Variants in RSRC1 observed in about 807,000 individuals in gnomAD.
RSRC1 encodes the protein arginine and serine rich coiled-coil 1.
Under a neutral mutation model 49.1 loss-of-function variants are expected in RSRC1, and 39 were observed. That is an observed-to-expected ratio of 0.79 (90% CI 0.61 to 1.04). The LOEUF is 1.04. Ranked by LOEUF, RSRC1 falls within the 50% of genes least tolerant of loss-of-function variation. The probability of loss-of-function intolerance (pLI) is 0.00; values close to 1 mark genes in which losing one functional copy is unlikely to be tolerated. For missense variants in RSRC1, 388 were observed against 402.4 expected (o/e 0.96, Z 0.31); for synonymous variants, 143 against 130.8 (o/e 1.09, Z -0.63).
intron 6 of RSRC1, among the ~76,000 whole-genome samples, chr3:158,359,177 T>C (rs981952665): frequency 3.3e-5 from 5 of 152,206 alleles, no homozygotes; most frequent in Admixed American, 1.3e-4. Context: ...TTCGCACCAA[T>C]AGCAGTGTAT....
At chr3:158,377,418 A>G (rs1732432560) in intron 6 of RSRC1, among the ~76,000 whole-genome samples, 1 of 152,136 alleles carries the variant, frequency 6.6e-6, no homozygotes, top group Non-Finnish European at 1.5e-5. Flanking sequence ...GAATGGCTAG[A>G]TGACCTCCTT....
chr3:158,337,595 T>A (rs575411729), intron 5 of RSRC1, among the ~76,000 whole-genome samples: 1 of 152,326 alleles, frequency 6.6e-6, no homozygotes. Flanking sequence ...AGAATAATTA[T>A]TAGTTTCCCT....
intron 7 of RSRC1, among the ~76,000 whole-genome samples, chr3:158,516,146 TGC>T (rs1740514956): frequency 1.3e-5 from 2 of 152,262 alleles, no homozygotes; most frequent in Non-Finnish European, 2.9e-5. Context: ...GGTGAGGAAC[TGC>T]GTTCCTTTGG....
chr3:158,142,424 G>A (rs117960754), intron 3 of RSRC1, among the ~76,000 whole-genome samples: 65 of 152,166 alleles, frequency 4.3e-4, no homozygotes, highest in African/African-American at 1.4e-3. Context: ...TTTATTTTTC[G>A]TACCAACGGT....
intron 4 of RSRC1, among the ~76,000 whole-genome samples, chr3:158,232,652 G>C (rs371541118): frequency 4.6e-5 from 7 of 152,178 alleles, no homozygotes; most frequent in African/African-American, 1.7e-4. Context: ...AGTTAGTATT[G>C]AACTTTAAGA....
At chr3:158,137,924 C>T (rs536729305) in intron 3 of RSRC1, among the ~76,000 whole-genome samples, 1 of 152,272 alleles carries the variant, frequency 6.6e-6, no homozygotes, top group Admixed American at 6.5e-5. Flanking sequence ...CTCAGCCTCC[C>T]AAAATGCTGA....
At chr3:158,178,903 G>A (rs1021506421) in intron 3 of RSRC1, among the ~76,000 whole-genome samples, 6 of 151,878 alleles carry the variant, frequency 4.0e-5, no homozygotes, top group East Asian at 1.9e-4. Context: ...TTAAATTGTC[G>A]TTGCAAATGG....
rs551142786 is a variant in RSRC1 at position 158,441,187 on chromosome 3, A to G, written c.584-19748A>G. Among the ~76,000 whole-genome samples the G allele has an allele frequency of 9.9e-5, 15 of 152,214 alleles. No individual in the cohort carries two copies. The South Asian group carries it at 1.2e-3, about 13-fold the overall frequency. ...GATAGGACAATTTCTATGATTCTCT[A>G]AATCTGGGTTATGAAGTGTATCTTT... On this transcript the variant is annotated intron_variant, in intron 6 of 9. Coordinates refer to ENST00000611884, the MANE Select transcript of RSRC1 (RefSeq NM_001271838.2).
intron 4 of RSRC1, among the ~76,000 whole-genome samples, chr3:158,292,564 G>A (rs1196223909): frequency 6.6e-6 from 1 of 152,082 alleles, no homozygotes. Context: ...TTCAGCACAG[G>A]GCAAAAGGAG....
chr3:158,253,601 A>G (rs1170972034), intron 4 of RSRC1, among the ~76,000 whole-genome samples: 1 of 152,134 alleles, frequency 6.6e-6, no homozygotes, highest in Non-Finnish European at 1.5e-5. Context: ...TAGTGCACAT[A>G]AGTTCAAATT....
chr3:158,278,149 A>G (rs1725923730), intron 4 of RSRC1, among the ~76,000 whole-genome samples: 1 of 152,236 alleles, frequency 6.6e-6, no homozygotes, highest in Non-Finnish European at 1.5e-5. Context: ...GTATCTGTCA[A>G]AAAAATCATA....
intron 7 of RSRC1, among the ~76,000 whole-genome samples, chr3:158,515,902 G>C (rs2108481865): frequency 6.6e-6 from 1 of 151,746 alleles, no homozygotes; most frequent in African/African-American, 2.4e-5. Context: ...GGCTCCTGAG[G>C]CTTCTGCATT....
chr3:158,367,377 G>T (rs1388358522), intron 6 of RSRC1, among the ~76,000 whole-genome samples: 1 of 152,130 alleles, frequency 6.6e-6, no homozygotes, highest in African/African-American at 2.4e-5. Context: ...GACCTTTTCT[G>T]CATCTATTCA....
intron 5 of RSRC1, among the ~76,000 whole-genome samples, chr3:158,308,170 T>G (rs1290678932): frequency 6.6e-6 from 1 of 151,960 alleles, no homozygotes; most frequent in Non-Finnish European, 1.5e-5. Flanking sequence ...GTAAATAAAA[T>G]TGTAAAAAAT....
rs114939631 is a variant in RSRC1, at chr3:158,226,499, T to C, written c.494+23254T>C. Among the ~76,000 whole-genome samples, 1,143 of 152,106 alleles carry C rather than the reference T, an allele frequency of 7.5e-3. 12 individuals are homozygous for C. Among genetic ancestry groups the C allele is most frequent in the African/African-American group, 0.026 (1,086 of 41,540 alleles). On this transcript the variant is annotated intron_variant, in intron 4 of 9. Coordinates refer to ENST00000611884, the MANE Select transcript of RSRC1 (RefSeq NM_001271838.2). ...AATATGTAACTGTTGCTTATATCCA[T>C]TGGTTCCCACCTTGGTTCAAGAGAT...
Position 158,298,130 on chromosome 3 carries a change from A to G in RSRC1, c.531+55A>G. 9 of 1,285,330 alleles carry G rather than the reference A, an allele frequency of 7.0e-6. No individual in the cohort carries two copies. In the South Asian group the frequency reaches 1.1e-4, roughly 15 times the overall value. The allele number at this position is 1,285,330 out of a possible 1,614,324, so 79.6% of individuals were successfully genotyped here. ...CATCATCTTTGATATCTGCATTCTA[A>G]ATGAACACTTTTGAATGAGCTTTGA... is the stretch of plus-strand genomic sequence containing the variant. On this transcript the variant is annotated intron_variant, in intron 5 of 9. Transcript: ENST00000611884.
chr3:158,256,524 T>TTTG (rs1403535821), intron 4 of RSRC1, among the ~76,000 whole-genome samples: 8 of 152,162 alleles, frequency 5.3e-5, no homozygotes, highest in South Asian at 2.1e-4. Flanking sequence ...AAATTCTCTC[T>TTTG]TTGTTGTTGT....
At chr3:158,401,624 G>A (rs143068639) in intron 6 of RSRC1, among the ~76,000 whole-genome samples, 1 of 152,066 alleles carries the variant, frequency 6.6e-6, no homozygotes, top group African/African-American at 2.4e-5. Context: ...CTGGCTTTTA[G>A]TAATTCAACT....
At chr3:158,290,414 A>G (rs901137475) in intron 4 of RSRC1, among the ~76,000 whole-genome samples, 3 of 151,976 alleles carry the variant, frequency 2.0e-5, no homozygotes, top group Non-Finnish European at 2.9e-5. Context: ...CTGGGACTAC[A>G]GGCGCCCGCC....
Sources: allele counts gnomAD v4.1 joint callset (sites outside exome capture counted in the v4.1 genomes callset), GRCh38; gene constraint gnomAD v4.1.1; transcripts MANE v1.5; gene names NCBI Gene and HGNC (gene_info 2026-07-23, HGNC 2026-07-21).